FGF12: variants seen among roughly 807,000 people sequenced by gnomAD.
The protein encoded by FGF12 is fibroblast growth factor 12, also known as fibroblast growth factor 12B.
Under a neutral mutation model 23.6 loss-of-function variants are expected in FGF12, and 14 were observed. The observed-to-expected ratio is 0.59, with a 90% CI of 0.39 to 0.93. The LOEUF (loss-of-function observed/expected upper bound fraction) is 0.93. Among genes scored for constraint, FGF12 ranks in the 40% least tolerant of loss-of-function variants. The probability of loss-of-function intolerance (pLI) is 0.00; values close to 1 mark genes in which losing one functional copy is unlikely to be tolerated. For synonymous variants in FGF12, 62 were observed against 77.3 expected, an observed-to-expected ratio of 0.80 and a Z score of 1.04; for missense variants, 175 against 217.8, an observed-to-expected ratio of 0.80 and a Z score of 1.24.
At chr3:192,640,599 C>G (rs888320161) in intron 2 of FGF12, among the ~76,000 whole-genome samples, 1 of 152,102 alleles carries the variant, frequency 6.6e-6, no homozygotes, top group Non-Finnish European at 1.5e-5. Context: ...ACATGGCCTG[C>G]CAGTGTCCAC....
At chr3:192,172,099 T>A (rs1170124911) in intron 4 of FGF12, among the ~76,000 whole-genome samples, 1 of 152,056 alleles carries the variant, frequency 6.6e-6, no homozygotes, top group African/African-American at 2.4e-5. Flanking sequence ...CTAAGAAAAC[T>A]GGAGTAGGCT....
chr3:192,254,605 G>T (rs891916550), intron 4 of FGF12, among the ~76,000 whole-genome samples: 2 of 151,916 alleles, frequency 1.3e-5, no homozygotes, highest in Non-Finnish European at 2.9e-5. Context: ...TGTGATACTG[G>T]ACTACTAATA....
chr3:192,707,618 T>C (rs78323709), intron 2 of FGF12, among the ~76,000 whole-genome samples: 63,857 of 151,236 alleles, frequency 0.42, 14,253 homozygotes, highest in East Asian at 0.65. Flanking sequence ...TGGTGGCAGG[T>C]GCCTGTAATC....
intron 2 of FGF12, among the ~76,000 whole-genome samples, chr3:192,430,415 T>A (rs1158736768): frequency 2.0e-5 from 3 of 152,156 alleles, no homozygotes; most frequent in Non-Finnish European, 4.4e-5. Flanking sequence ...TTCTGCAAGA[T>A]GAAAAAGTTT....
intron 4 of FGF12, among the ~76,000 whole-genome samples, chr3:192,330,742 C>A (rs1283812420): frequency 2.7e-5 from 4 of 150,172 alleles, no homozygotes; most frequent in African/African-American, 5.0e-5. Flanking sequence ...AACAAACAAA[C>A]AAAAAACCTC....
intron 4 of FGF12, among the ~76,000 whole-genome samples, chr3:192,262,989 T>A (rs995550432): frequency 2.0e-5 from 3 of 152,052 alleles, no homozygotes; most frequent in African/African-American, 7.2e-5. Flanking sequence ...ACCTCAAAAT[T>A]AAGTATAAAA....
intron 4 of FGF12, among the ~76,000 whole-genome samples, chr3:192,262,810 C>T (rs902698888): frequency 4.0e-5 from 6 of 151,754 alleles, no homozygotes; most frequent in Non-Finnish European, 5.9e-5. Context: ...TCAAGTGCTC[C>T]TCTAGTTGCT....
At chr3:192,592,545 T>A (rs1026694072) in intron 2 of FGF12, among the ~76,000 whole-genome samples, 1 of 151,808 alleles carries the variant, frequency 6.6e-6, no homozygotes, top group Non-Finnish European at 1.5e-5. Context: ...GCGGGATGCA[T>A]AGGAATTTGA....
At chr3:192,649,935 A>ATT (rs1716154346) in intron 2 of FGF12, among the ~76,000 whole-genome samples, 1 of 152,078 alleles carries the variant, frequency 6.6e-6, no homozygotes, top group African/African-American at 2.4e-5. Context: ...TCTGTGGTAT[A>ATT]TTTTGCTCAT....
At chr3:192,276,317 T>G (rs888547737) in intron 4 of FGF12, among the ~76,000 whole-genome samples, 1 of 152,166 alleles carries the variant, frequency 6.6e-6, no homozygotes, top group East Asian at 1.9e-4. Context: ...ACAACCTAGA[T>G]GAAGTCTAGA....
chr3:192,656,612 C>T (rs1421577965), intron 2 of FGF12, among the ~76,000 whole-genome samples: 1 of 152,154 alleles, frequency 6.6e-6, no homozygotes, highest in Non-Finnish European at 1.5e-5. Context: ...TCCTGCAATG[C>T]ACAGGACAGC....
intron 2 of FGF12, among the ~76,000 whole-genome samples, chr3:192,649,703 G>T (rs1162678923): frequency 6.6e-6 from 1 of 150,590 alleles, no homozygotes; most frequent in East Asian, 2.0e-4. Context: ...TTATAGGCGT[G>T]CACCGTCACA....
chr3:192,599,554 T>C (rs1413002038), intron 2 of FGF12, among the ~76,000 whole-genome samples: 1 of 152,054 alleles, frequency 6.6e-6, no homozygotes, highest in Non-Finnish European at 1.5e-5. Context: ...AATATTGTTA[T>C]TGCCACTATG....
chr3:192,195,559 G>A (rs1164904822), intron 4 of FGF12, among the ~76,000 whole-genome samples: 2 of 152,194 alleles, frequency 1.3e-5, no homozygotes, highest in African/African-American at 4.8e-5. Context: ...GCCACATAGT[G>A]TAGGTGTATA....
chr3:192,167,837 G>A (rs570562876), intron 5 of FGF12, among the ~76,000 whole-genome samples: 88 of 138,168 alleles, frequency 6.4e-4, no homozygotes, highest in Non-Finnish European at 6.7e-4. Flanking sequence ...GTGCAGTGGC[G>A]TGATCTCAGC....
chr3:192,471,172 C>T (rs909804591), intron 2 of FGF12, among the ~76,000 whole-genome samples: 2 of 152,196 alleles, frequency 1.3e-5, no homozygotes, highest in African/African-American at 2.4e-5. Flanking sequence ...CCATAAACAT[C>T]ATACTCGCTC....
chr3:192,709,383 T>G (rs1031789913), intron 2 of FGF12, among the ~76,000 whole-genome samples: 1 of 152,244 alleles, frequency 6.6e-6, no homozygotes, highest in South Asian at 2.1e-4. Context: ...TTTAAGTTAC[T>G]GTTTTGAAAG....
At chr3:192,410,057 G>T (rs1231084541) in intron 2 of FGF12, among the ~76,000 whole-genome samples, 1 of 151,990 alleles carries the variant, frequency 6.6e-6, no homozygotes, top group Non-Finnish European at 1.5e-5. Context: ...GGGCCCGGGC[G>T]AGAGCCACCG....
At chr3:192,667,628 A>G (rs1358738177) in intron 2 of FGF12, among the ~76,000 whole-genome samples, 1 of 151,146 alleles carries the variant, frequency 6.6e-6, no homozygotes, top group African/African-American at 2.4e-5. Context: ...AAAAAAAAAA[A>G]AAAAAGTAGG....
Sources: allele counts gnomAD v4.1 joint callset (sites outside exome capture counted in the v4.1 genomes callset), GRCh38; gene constraint gnomAD v4.1.1; transcripts MANE v1.5; gene names NCBI Gene and HGNC (gene_info 2026-07-23, HGNC 2026-07-21).